The following DAB2IP variants were observed in gnomAD, a reference collection of about 807,000 sequenced individuals.
DAB2IP encodes the protein DAB2 interacting protein, also known as disabled homolog 2-interacting protein.
Under a neutral mutation model 107.2 loss-of-function variants are expected in DAB2IP, and 28 were observed. The ratio of observed to expected loss-of-function variants is 0.26; its 90% CI spans 0.19 to 0.36. The LOEUF is 0.36. Ranked by LOEUF, DAB2IP falls within the 10% of genes least tolerant of loss-of-function variation. The probability of loss-of-function intolerance (pLI) is 1.00; values close to 1 mark genes in which losing one functional copy is unlikely to be tolerated. For synonymous variants in DAB2IP, 755 were observed against 706.4 expected (o/e 1.07, Z -1.09); for missense variants, 1,400 against 1,644.7 (o/e 0.85, Z 2.57).
At chr9:121,615,968 T>C (rs1589411613) in intron 1 of DAB2IP, among the ~76,000 whole-genome samples, 1 of 152,150 alleles carries the variant, frequency 6.6e-6, no homozygotes, top group Non-Finnish European at 1.5e-5. Flanking sequence ...GATGGACATA[T>C]GGAATAGAGA....
intron 1 of DAB2IP, among the ~76,000 whole-genome samples, chr9:121,589,925 C>T (rs1270173944): frequency 4.4e-5 from 2 of 45,266 alleles, no homozygotes; most frequent in Non-Finnish European, 9.3e-5. Flanking sequence ...GCTCCCTTCC[C>T]TTCCCTTCCC....
At chr9:121,578,314 CCT>C (rs895598998) in intron 1 of DAB2IP, among the ~76,000 whole-genome samples, 5 of 150,796 alleles carry the variant, frequency 3.3e-5, no homozygotes, top group Non-Finnish European at 3.0e-5. Flanking sequence ...TGTATCTCTG[CCT>C]CTCTCTCTCT....
chr9:121,574,142 CAGAT>C (rs1830007413), intron 1 of DAB2IP, among the ~76,000 whole-genome samples: 1 of 152,272 alleles, frequency 6.6e-6, no homozygotes, highest in East Asian at 1.9e-4. Context: ...CAACTGGTGA[CAGAT>C]AGATAATAAT....
At chr9:121,723,916 G>T (rs1347999989) in intron 3 of DAB2IP, among the ~76,000 whole-genome samples, 2 of 152,134 alleles carry the variant, frequency 1.3e-5, no homozygotes, top group Non-Finnish European at 2.9e-5. Flanking sequence ...GTCAAATGGG[G>T]CAGAGAGCCC....
intron 1 of DAB2IP, among the ~76,000 whole-genome samples, chr9:121,661,504 C>G (rs574843497): frequency 1.3e-5 from 2 of 152,230 alleles, no homozygotes; most frequent in African/African-American, 2.4e-5. Flanking sequence ...CCCCCTCCCC[C>G]ACTTTGGCAA....
intron 10 of DAB2IP, among the ~76,000 whole-genome samples, chr9:121,770,100 C>T (rs767677866): frequency 6.6e-6 from 1 of 152,228 alleles, no homozygotes; most frequent in Non-Finnish European, 1.5e-5. Context: ...CTGCAGTGTG[C>T]TTGGACCATC....
intron 1 of DAB2IP, among the ~76,000 whole-genome samples, chr9:121,573,421 G>A (rs1829995792): frequency 6.6e-6 from 1 of 151,672 alleles, no homozygotes; most frequent in African/African-American, 2.4e-5. Flanking sequence ...GTCTCACTCT[G>A]TCGCCCAGTT....
chr9:121,651,833 C>A lies in DAB2IP; in HGVS notation c.58C>A (p.Leu20Met), dbSNP rs1157072171. ...CGGGAGGTCCTCCTACTACTACCGG[C>A]TGCTGAGGCGGCCCCGGCTGCAGCG... Residue 20 changes from leucine to methionine, a missense_variant, in exon 1 of 16, where the codon CTG becomes ATG. Physicochemically the swap from Leu to Met is conservative, Grantham distance 15 (BLOSUM62 2). This residue lies in a region of DAB2IP where 283 missense variants were observed against 237.0 expected (regional missense o/e 1.19). Transcript: ENST00000408936. The surrounding 1 kb of genome is among the most constrained non-coding windows in gnomAD (Gnocchi z 5.1). 89 of 1,473,788 alleles carry A rather than the reference C, an allele frequency of 6.0e-5. No individual in the cohort carries two copies. Among genetic ancestry groups the A allele is most frequent in the South Asian group, 2.1e-4 (16 of 76,772 alleles). The allele number at this position is 1,473,788 out of a possible 1,614,324, so 91.3% of individuals were successfully genotyped here.
chr9:121,596,506 C>T (rs1830534238), intron 1 of DAB2IP, among the ~76,000 whole-genome samples: 1 of 152,126 alleles, frequency 6.6e-6, no homozygotes, highest in African/African-American at 2.4e-5. Context: ...CAGAGCAAGC[C>T]TCTGTCTCAA....
At chr9:121,705,792 T>C (rs1404031020) in intron 3 of DAB2IP, among the ~76,000 whole-genome samples, 1 of 152,240 alleles carries the variant, frequency 6.6e-6, no homozygotes, top group African/African-American at 2.4e-5. Flanking sequence ...ATGGGACTGC[T>C]TTCATTCTCC....
At chr9:121,581,385 G>A (rs1830191734) in intron 1 of DAB2IP, among the ~76,000 whole-genome samples, 1 of 152,250 alleles carries the variant, frequency 6.6e-6, no homozygotes, top group Non-Finnish European at 1.5e-5. Context: ...GGGAGCAGGA[G>A]GAGGGCAGCT....
At chr9:121,763,542 G>A in exon 7 of DAB2IP, 1 of 1,613,846 alleles carries the variant, frequency 6.2e-7, no homozygotes, top group Non-Finnish European at 8.5e-7. Flanking sequence ...GAGGTGGACC[G>A]CTGCGGGGAC....
At position 121,699,199 on chromosome 9, in the gene DAB2IP, G is replaced by T; in HGVS notation, c.229-126G>T. On this transcript the variant is annotated intron_variant, in intron 2 of 15. Coordinates refer to ENST00000408936, the Ensembl canonical transcript of DAB2IP. This position sits in a 1 kb window ranked among gnomAD's most constrained non-coding sequence, Gnocchi z 6.2. Reference sequence around the variant, plus strand: ...GCGGGCCGCGAGCTGCTGGGGCCGAGCCCGAGCCCGGCCCGCCCTCGGCCG... The same window carrying T: ...GCGGGCCGCGAGCTGCTGGGGCCGATCCCGAGCCCGGCCCGCCCTCGGCCG... 1.0e-6 allele frequency: 1 copy of T among 973,858 alleles called. No homozygotes were observed. The highest frequency in any genetic ancestry group is 1.2e-6 in the Non-Finnish European group (1 of 822,276). The allele number at this position is 973,858 out of a possible 1,614,324, so 60.3% of individuals were successfully genotyped here.
At chr9:121,632,679 C>G (rs185949014) in intron 1 of DAB2IP, among the ~76,000 whole-genome samples, 70 of 152,312 alleles carry the variant, frequency 4.6e-4, no homozygotes, top group African/African-American at 1.6e-3. Context: ...CGTTCTTTTC[C>G]TCCAGGAGTT....
exon 10 of DAB2IP, chr9:121,768,618 C>T: frequency 6.2e-7 from 1 of 1,613,878 alleles, no homozygotes; most frequent in Non-Finnish European, 8.5e-7. Flanking sequence ...GGGAGGCCGT[C>T]AGCCAGCTGG....
chr9:121,642,542 C>A (rs1407384726), intron 1 of DAB2IP, among the ~76,000 whole-genome samples: 1 of 129,600 alleles, frequency 7.7e-6, no homozygotes, highest in Non-Finnish European at 1.6e-5. Context: ...CAGGGCTGGT[C>A]TCAAACTCCT....
Position 121,633,837 on chromosome 9 carries a change from C to T in DAB2IP, c.41-44841C>T, listed in dbSNP as rs551236774. 6.6e-6 allele frequency among the ~76,000 whole-genome samples: 1 copy of T among 152,342 alleles called. No homozygotes were observed. Among genetic ancestry groups the T allele is most frequent in the African/African-American group, 2.4e-5 (1 of 41,572 alleles). On this transcript the variant is annotated intron_variant, in intron 1 of 16. Coordinates refer to the DAB2IP transcript ENST00000259371. This position sits in a 1 kb window ranked among gnomAD's most constrained non-coding sequence, Gnocchi z 5.1. ...TACATGGCATTTGGATAAGGGAAGT[C>T]AAGTTAGGTCTCTGCCATGGGTCTG...
chr9:121,580,415 G>A (rs923925870), intron 1 of DAB2IP, among the ~76,000 whole-genome samples: 2 of 152,050 alleles, frequency 1.3e-5, no homozygotes, highest in Admixed American at 6.5e-5. Flanking sequence ...ACAGTGGCTC[G>A]TGCCTGCTAT....
intron 2 of DAB2IP, among the ~76,000 whole-genome samples, chr9:121,693,677 G>A (rs561215657): frequency 3.4e-4 from 52 of 152,334 alleles, no homozygotes; most frequent in Admixed American, 7.8e-4. Context: ...AGAGCTTAAC[G>A]GGTGACAAAG....
Sources: gnomAD v4.1 joint callset for allele counts (sites outside exome capture counted in the v4.1 genomes callset) on GRCh38, gnomAD v4.1.1 for gene constraint, gnomAD v4.1.1 regional missense constraint, Gnocchi (gnomAD v3.1) non-coding constraint, MANE v1.5 for transcripts, NCBI Gene and HGNC (gene_info 2026-07-23, HGNC 2026-07-21) for gene names.